Variants in TCEANC2 observed in about 807,000 individuals in gnomAD.
TCEANC2 encodes transcription elongation factor A N-terminal and central domain-containing protein 2.
In TCEANC2, 20 loss-of-function variants were observed where a neutral mutation model predicts 22.8. The ratio of observed to expected loss-of-function variants is 0.88; its 90% CI spans 0.62 to 1.28. The LOEUF (loss-of-function observed/expected upper bound fraction) is 1.28. Ranked by LOEUF, TCEANC2 falls within the 50% of genes most tolerant of loss-of-function variation. The probability of loss-of-function intolerance (pLI) is 0.00; values close to 1 mark genes in which losing one functional copy is unlikely to be tolerated. For synonymous variants in TCEANC2, 84 were observed against 95.5 expected (o/e 0.88, Z 0.70); for missense variants, 251 against 249.7 (o/e 1.01, Z -0.03).
At chr1:54,091,994 G>C (rs547205513) in intron 4 of TCEANC2, among the ~76,000 whole-genome samples, 1 of 152,186 alleles carries the variant, frequency 6.6e-6, no homozygotes, top group African/African-American at 2.4e-5. Context: ...TCAGGGGTAC[G>C]TCCCCATATG....
Position 54,076,941 on chromosome 1 carries a change from C to T in TCEANC2, c.244+8044C>T, listed in dbSNP as rs114787758. Among the ~76,000 whole-genome samples, 418 of 152,132 alleles carry T rather than the reference C, an allele frequency of 2.7e-3. 1 individual carries two copies. The highest frequency in any genetic ancestry group is 9.4e-3 in the African/African-American group (390 of 41,506). On this transcript the variant is annotated intron_variant, in intron 3 of 4. Transcript: ENST00000234827. ...CAAGCAAGTTAAGGGGGATGGGGAA[C>T]GTGGATGGTCTGGGCTGGAGTAGGC...
intron 1 of TCEANC2, 32 bp from the exon 2 acceptor site, chr1:54,054,349 G>T: frequency 6.3e-7 from 1 of 1,586,780 alleles, no homozygotes; most frequent in Non-Finnish European, 8.6e-7. Context: ...GTCTTTAGTG[G>T]GGTTTTAGAA....
chr1:54,096,822 T>G lies in TCEANC2; in HGVS notation c.*349T>G. The G allele has an allele frequency of 7.9e-6, 8 of 1,015,908 alleles. No individual in the cohort carries two copies. Among genetic ancestry groups the G allele is most frequent in the Non-Finnish European group, 9.4e-6 (8 of 849,178 alleles). 62.9% of individuals were successfully genotyped at this position (1,015,908 alleles called of 1,614,324 possible). A position where few individuals can be genotyped will look rare whatever the true frequency, so the allele number is the denominator to read the frequency against. On this transcript the variant is annotated 3_prime_UTR_variant, in exon 5 of 5. Coordinates refer to ENST00000234827, the MANE Select transcript of TCEANC2 (RefSeq NM_153035.3). The surrounding 1 kb of genome is among the most constrained non-coding windows in gnomAD (Gnocchi z 4.9). ...CCCCATGTCAGTCAGATGAAGTTAC[T>G]ACTATATTTCACCACCCTGCAGGTA...
chr1:54,057,041 A>T (rs994812753), intron 2 of TCEANC2, among the ~76,000 whole-genome samples: 1 of 140,102 alleles, frequency 7.1e-6, no homozygotes, highest in African/African-American at 2.6e-5. Context: ...GACACCATTT[A>T]AAAAAAAAAA....
In TCEANC2 at chr1:54,097,879, C is replaced by T. The variant is rs910213918; in HGVS notation, c.*1406C>T. The T allele has an allele frequency of 6.6e-6, 1 of 152,140 alleles. No individual in the cohort carries two copies. The highest frequency in any genetic ancestry group is 1.5e-5 in the Non-Finnish European group (1 of 68,038). The allele number at this position is 152,140 out of a possible 1,614,324, so 9.4% of individuals were successfully genotyped here. The stretch of plus-strand genomic sequence containing the variant: ...TAGAATAATAATAATCGAGCGTTTA[C>T]CCTGGGCCCAGCACTGTGGTAACCA... On this transcript the variant is annotated 3_prime_UTR_variant, in exon 5 of 5. Transcript: ENST00000234827.
chr1:54,096,364 G>T lies in TCEANC2; in HGVS notation c.518G>T (p.Arg173Leu), dbSNP rs762443594. The change falls in exon 5 of 5, where the codon CGG becomes CTG. Residue 173 changes from arginine (R) to leucine (L), a missense_variant. Transcript: ENST00000234827. The surrounding 1 kb of genome is among the most constrained non-coding windows in gnomAD (Gnocchi z 4.9). ...CSRLINGPYR[R>L]TVRALVFTLK... ...CGCCTCATTAATGGGCCGTACCGGC[G>T]GACGGTGAGAGCCCTGGTCTTCACA... 6.2e-7 allele frequency: 1 copy of T among 1,613,076 alleles called. No individual in the cohort carries two copies. Among genetic ancestry groups the T allele is most frequent in the East Asian group, 2.2e-5 (1 of 44,850 alleles).
chr1:54,067,838 A>C (rs1452792351), intron 2 of TCEANC2, among the ~76,000 whole-genome samples: 2 of 152,234 alleles, frequency 1.3e-5, no homozygotes, highest in Admixed American at 1.3e-4. Flanking sequence ...CATCCAGATC[A>C]AAAAACAGTA....
chr1:54,082,517 A>G (rs866447648), intron 3 of TCEANC2, among the ~76,000 whole-genome samples: 1 of 152,250 alleles, frequency 6.6e-6, no homozygotes, highest in Non-Finnish European at 1.5e-5. Context: ...AGTAAGGTAC[A>G]GGTTCTGCCC....
chr1:54,061,311 A>G (rs1329430982), intron 2 of TCEANC2, among the ~76,000 whole-genome samples: 2 of 152,228 alleles, frequency 1.3e-5, no homozygotes, highest in African/African-American at 4.8e-5. Flanking sequence ...ATCAGAAATA[A>G]CAGTACCCCA....
intron 2 of TCEANC2, among the ~76,000 whole-genome samples, chr1:54,062,610 A>G (rs994283952): frequency 6.6e-6 from 1 of 152,262 alleles, no homozygotes; most frequent in African/African-American, 2.4e-5. Flanking sequence ...AGATGCAATA[A>G]TAGGAGTCTA....
intron 2 of TCEANC2, among the ~76,000 whole-genome samples, chr1:54,064,984 G>A (rs988339750): frequency 6.6e-6 from 1 of 152,202 alleles, no homozygotes; most frequent in African/African-American, 2.4e-5. Flanking sequence ...ACAGGTGTGA[G>A]CCACTGTGCC....
At chr1:54,094,607 C>A (rs1658509041) in intron 4 of TCEANC2, among the ~76,000 whole-genome samples, 1 of 152,198 alleles carries the variant, frequency 6.6e-6, no homozygotes, top group Non-Finnish European at 1.5e-5. Flanking sequence ...CCTTACAACC[C>A]CTGTTCACAG....
chr1:54,069,781 C>T (rs775257542), intron 3 of TCEANC2, among the ~76,000 whole-genome samples: 12 of 152,100 alleles, frequency 7.9e-5, no homozygotes, highest in Non-Finnish European at 1.5e-4. Flanking sequence ...GAAGAGGTGA[C>T]ATTTCAGTTA....
intron 2 of TCEANC2, among the ~76,000 whole-genome samples, chr1:54,056,228 C>G (rs141060934): frequency 6.6e-6 from 1 of 152,262 alleles, no homozygotes; most frequent in African/African-American, 2.4e-5. Context: ...CAGACTCTCT[C>G]CAGGAAAAAG....
downstream of TCEANC2, among the ~76,000 whole-genome samples, chr1:54,110,744 C>T (rs897111577): frequency 3.3e-5 from 5 of 152,090 alleles, no homozygotes; most frequent in East Asian, 7.7e-4. Flanking sequence ...CCATCTTTGT[C>T]CTACCCCTGG....
rs1298570694 is a variant in TCEANC2 at position 54,104,123 on chromosome 1, CAA to C, written c.*7652_*7653del. On this transcript the variant is annotated 3_prime_UTR_variant, in exon 5 of 5. Transcript: ENST00000234827. ...CCAGGGTGCAGCACATGTTCGAAAT[CAA>C]AGACCGTTACGTGATGCTTTGTCTC... 12 of 152,532 alleles carry C rather than the reference CAA, an allele frequency of 7.9e-5. No homozygotes were observed. The highest frequency in any genetic ancestry group is 2.9e-4 in the African/African-American group (12 of 41,572). 9.4% of individuals were successfully genotyped at this position (152,532 alleles called of 1,614,324 possible). A position where few individuals can be genotyped will look rare whatever the true frequency, so the allele number is the denominator to read the frequency against.
chr1:54,087,319 A>C (rs920880724), intron 3 of TCEANC2, among the ~76,000 whole-genome samples: 2 of 152,112 alleles, frequency 1.3e-5, no homozygotes, highest in Non-Finnish European at 2.9e-5. Flanking sequence ...GAAATTCTCA[A>C]ACATACACAA....
At chr1:54,066,258 A>C (rs1362233111) in intron 2 of TCEANC2, among the ~76,000 whole-genome samples, 1 of 152,222 alleles carries the variant, frequency 6.6e-6, no homozygotes, top group Non-Finnish European at 1.5e-5. Context: ...TATAAAAAAC[A>C]AAAAAAGGAA....
chr1:54,066,833 A>C (rs1018401939), intron 2 of TCEANC2, among the ~76,000 whole-genome samples: 1 of 152,234 alleles, frequency 6.6e-6, no homozygotes, highest in Non-Finnish European at 1.5e-5. Flanking sequence ...GATCATAGAA[A>C]AAGACTGTCT....
Sources: gnomAD v4.1 joint callset for allele counts (sites outside exome capture counted in the v4.1 genomes callset) on GRCh38, gnomAD v4.1.1 for gene constraint, Gnocchi (gnomAD v3.1) non-coding constraint, MANE v1.5 for transcripts, NCBI Gene and HGNC (gene_info 2026-07-23, HGNC 2026-07-21) for gene names.